Variants in BICD1 observed in about 807,000 individuals in gnomAD.
BICD1 encodes BICD cargo adaptor 1, also known as protein bicaudal D homolog 1.
BICD1 carries 35 observed loss-of-function variants against 92.5 expected under a neutral mutation model. The ratio of observed to expected loss-of-function variants is 0.38; its 90% confidence interval spans 0.29 to 0.50. BICD1 has a LOEUF of 0.50. BICD1 is among the 20% of genes least tolerant of loss of function. The pLI is 0.93. For missense variants in BICD1, 950 were observed against 1,189.8 expected, an observed-to-expected ratio of 0.80 and a Z score of 2.97; for synonymous variants, 429 against 465.1, an observed-to-expected ratio of 0.92 and a Z score of 1.00.
chr12:32,135,599 C>T (rs796278929), intron 1 of BICD1, among the ~76,000 whole-genome samples: 1 of 151,944 alleles, frequency 6.6e-6, no homozygotes, highest in South Asian at 2.1e-4. Flanking sequence ...CAACACTTCA[C>T]TATATTGGCT....
At chr12:32,191,596 T>G (rs1206910331) in intron 1 of BICD1, among the ~76,000 whole-genome samples, 1 of 147,306 alleles carries the variant, frequency 6.8e-6, no homozygotes, top group Admixed American at 6.9e-5. Context: ...ATATATAATA[T>G]GTAATATATA....
chr12:32,120,884 AG>A (rs1565528990), intron 1 of BICD1, among the ~76,000 whole-genome samples: 1,543 of 133,894 alleles, frequency 0.012, 26 homozygotes, highest in African/African-American at 0.046. Context: ...AGAGAGAGAG[AG>A]AGAGAGAGAG....
In BICD1 at chr12:32,164,578, A is replaced by G. The variant is rs183911636; in HGVS notation, c.214-51669A>G. 3.9e-5 allele frequency among the ~76,000 whole-genome samples: 6 copies of G among 152,338 alleles called. No homozygotes were observed. The East Asian group carries it at 9.6e-4, about 24-fold the overall frequency. On this transcript the variant is annotated intron_variant, in intron 1 of 9. Coordinates refer to ENST00000652176, the MANE Select transcript of BICD1 (RefSeq NM_001714.4). The stretch of plus-strand genomic sequence containing the variant: ...GATTGGGATTATTTCCTGCAGGTAA[A>G]TGAAACTTTATGGTATTTGTTATGG...
chr12:32,142,453 C>CCCATCTATCTATCCTATCTATCTAT (rs1555134301), intron 1 of BICD1, among the ~76,000 whole-genome samples: 1 of 112,882 alleles, frequency 8.9e-6, no homozygotes, highest in Non-Finnish European at 1.7e-5. Flanking sequence ...ACCTATCTAT[C>CCCATCTATCTATCCTATCTATCTAT]CTATCTATCT....
At chr12:32,358,236 G>T (rs1040670417) in intron 8 of BICD1, among the ~76,000 whole-genome samples, 8 of 151,882 alleles carry the variant, frequency 5.3e-5, no homozygotes, top group African/African-American at 1.9e-4. Context: ...AAGTAGCTGG[G>T]ACTACAGGCA....
In BICD1 at chr12:32,381,816, T is replaced by G. The variant is rs1489019007; in HGVS notation, c.*4189T>G. On this transcript the variant is annotated 3_prime_UTR_variant, in exon 10 of 10. Transcript: ENST00000652176. Reference sequence around the variant, plus strand: ...ATAAAGTTCACAATTTTAAAAAGGTTGCCCTCCAGTTTTTTTGTTTGTTTA... The same window carrying G: ...ATAAAGTTCACAATTTTAAAAAGGTGGCCCTCCAGTTTTTTTGTTTGTTTA... 6.6e-6 allele frequency: 1 copy of G among 152,132 alleles called. No homozygotes were observed. Among genetic ancestry groups the G allele is most frequent in the Non-Finnish European group, 1.5e-5 (1 of 67,972 alleles). The allele number at this position is 152,132 out of a possible 1,614,324, so 9.4% of individuals were successfully genotyped here.
chr12:32,116,496 C>CTATATATATATATA, intron 1 of BICD1, among the ~76,000 whole-genome samples: 1 of 67,562 alleles, frequency 1.5e-5, no homozygotes, highest in East Asian at 3.8e-4. Flanking sequence ...CTCTCTTTCT[C>CTATATATATATATA]TCTCTCTCTC....
intron 3 of BICD1, among the ~76,000 whole-genome samples, chr12:32,298,542 GTGA>G (rs1947942133): frequency 1.7e-5 from 2 of 120,332 alleles, no homozygotes; most frequent in African/African-American, 6.5e-5. Context: ...TGCAGCCTGG[GTGA>G]CACAGTGAGA....
At chr12:32,350,754 G>A (rs1012119594) in intron 8 of BICD1, among the ~76,000 whole-genome samples, 1 of 152,072 alleles carries the variant, frequency 6.6e-6, no homozygotes, top group African/African-American at 2.4e-5. Flanking sequence ...TTACCTGAAA[G>A]GTATGAGAGG....
intron 4 of BICD1, among the ~76,000 whole-genome samples, chr12:32,326,113 T>G (rs1266009948): frequency 6.9e-6 from 1 of 145,982 alleles, no homozygotes; most frequent in Non-Finnish European, 1.5e-5. Flanking sequence ...AAAGTTTGAA[T>G]AGATACTTTC....
At chr12:32,165,256 C>A (rs1943718837) in intron 1 of BICD1, among the ~76,000 whole-genome samples, 1 of 152,180 alleles carries the variant, frequency 6.6e-6, no homozygotes, top group South Asian at 2.1e-4. Context: ...TGGCTCATGC[C>A]TGTAATCCCA....
intron 2 of BICD1, among the ~76,000 whole-genome samples, chr12:32,255,726 C>T (rs940500187): frequency 3.3e-5 from 5 of 152,150 alleles, no homozygotes; most frequent in African/African-American, 1.2e-4. Context: ...TGCTTTGCCC[C>T]AGATAGCTGG....
At position 32,152,318 on chromosome 12, in the gene BICD1, A is replaced by T. The variant is rs60310363; in HGVS notation, c.213+44774A>T. On this transcript the variant is annotated intron_variant, in intron 1 of 9. Coordinates refer to ENST00000652176, the MANE Select transcript of BICD1 (RefSeq NM_001714.4). ...GGCTGGTGTGCCATGGCATGATCAT[A>T]GCTCACTTTAACCTTGAACTCCTGG... Among the ~76,000 whole-genome samples the T allele has an allele frequency of 9.7e-3, 1,461 of 150,942 alleles. 26 individuals are homozygous for T. The highest frequency in any genetic ancestry group is 0.034 in the African/African-American group (1,384 of 40,972).
At chr12:32,315,687 A>T (rs1009499217) in intron 4 of BICD1, among the ~76,000 whole-genome samples, 2 of 152,066 alleles carry the variant, frequency 1.3e-5, no homozygotes, top group African/African-American at 4.8e-5. Context: ...TTGACTTGTG[A>T]ATGTTCGTCT....
At chr12:32,299,178 T>G (rs901702902) in intron 3 of BICD1, among the ~76,000 whole-genome samples, 3 of 152,252 alleles carry the variant, frequency 2.0e-5, no homozygotes, top group African/African-American at 7.2e-5. Context: ...GTCATGTAGT[T>G]AAAAATAAAG....
At chr12:32,178,563 G>C (rs895415810) in intron 1 of BICD1, among the ~76,000 whole-genome samples, 1 of 151,990 alleles carries the variant, frequency 6.6e-6, no homozygotes, top group Non-Finnish European at 1.5e-5. Flanking sequence ...TGGCCTGTTG[G>C]CTAGGTCAGC....
intron 2 of BICD1, among the ~76,000 whole-genome samples, chr12:32,260,592 A>G (rs1447735525): frequency 1.3e-5 from 2 of 151,024 alleles, no homozygotes; most frequent in African/African-American, 2.4e-5. Flanking sequence ...GCTTACCATT[A>G]CTCATTGAAA....
At chr12:32,228,436 C>T (rs903860666) in intron 2 of BICD1, among the ~76,000 whole-genome samples, 4 of 152,128 alleles carry the variant, frequency 2.6e-5, no homozygotes, top group Non-Finnish European at 4.4e-5. Context: ...AGAGAGGTAA[C>T]AGGAAGCCAG....
chr12:32,217,071 A>G (rs1005807992), intron 2 of BICD1, among the ~76,000 whole-genome samples: 1 of 152,228 alleles, frequency 6.6e-6, no homozygotes, highest in African/African-American at 2.4e-5. Flanking sequence ...ATCACCTGCC[A>G]TATCATTTTC....
Sources: allele counts gnomAD v4.1 joint callset (sites outside exome capture counted in the v4.1 genomes callset), GRCh38; gene constraint gnomAD v4.1.1; transcripts MANE v1.5; gene names NCBI Gene and HGNC (gene_info 2026-07-23, HGNC 2026-07-21).